SH3PXD2A: variants seen among roughly 807,000 people sequenced by gnomAD.
SH3PXD2A encodes the protein SH3 and PX domain-containing protein 2A.
A neutral mutation model predicts 115.2 loss-of-function variants in SH3PXD2A; 32 were observed. The observed-to-expected ratio is 0.28, with a 90% CI of 0.21 to 0.37. SH3PXD2A has a LOEUF of 0.37. SH3PXD2A is among the 10% of genes least tolerant of loss of function. SH3PXD2A has a pLI of 1.00. For synonymous variants in SH3PXD2A, 610 were observed against 629.1 expected (o/e 0.97, Z 0.45); for missense variants, 1,328 against 1,498.7 (o/e 0.89, Z 1.88).
At chr10:103,610,935 GCTTA>G (rs2036417689) in intron 13 of SH3PXD2A, among the ~76,000 whole-genome samples, 1 of 152,178 alleles carries the variant, frequency 6.6e-6, no homozygotes. Context: ...ATCCCACTGC[GCTTA>G]CTAACAGTTC....
intron 1 of SH3PXD2A, among the ~76,000 whole-genome samples, chr10:103,850,323 A>T (rs1842885448): frequency 6.6e-6 from 1 of 152,158 alleles, no homozygotes; most frequent in Non-Finnish European, 1.5e-5. Flanking sequence ...GGGTTGCGAT[A>T]AATGGCTGGC....
intron 5 of SH3PXD2A, chr10:103,693,735 T>A (rs2037790066): frequency 6.6e-6 from 1 of 151,658 alleles, no homozygotes; most frequent in Non-Finnish European, 1.5e-5. Flanking sequence ...ATGGATAAGG[T>A]CCTTCTCAAA....
At chr10:103,739,866 G>A (rs7076177) in intron 3 of SH3PXD2A, among the ~76,000 whole-genome samples, 2,219 of 152,318 alleles carry the variant, frequency 0.015, 56 homozygotes, top group African/African-American at 0.051. Context: ...GGGCTGGGCT[G>A]GGGTGAGACC....
intron 7 of SH3PXD2A, among the ~76,000 whole-genome samples, chr10:103,664,173 T>C (rs1564857862): frequency 6.6e-6 from 1 of 152,148 alleles, no homozygotes; most frequent in Non-Finnish European, 1.5e-5. Context: ...AAAAGGGCCA[T>C]CCCTGCCCTA....
At chr10:103,658,847 C>G (rs1472669798) in intron 8 of SH3PXD2A, among the ~76,000 whole-genome samples, 1 of 152,218 alleles carries the variant, frequency 6.6e-6, no homozygotes, top group Admixed American at 6.5e-5. Context: ...GCCCCTGCTT[C>G]CAACCAGCCA....
At chr10:103,741,444 C>T (rs1245692782) in intron 3 of SH3PXD2A, among the ~76,000 whole-genome samples, 1 of 152,136 alleles carries the variant, frequency 6.6e-6, no homozygotes, top group Non-Finnish European at 1.5e-5. Flanking sequence ...CCACTCTGGC[C>T]CTCTCTCCCC....
chr10:103,848,045 C>T (rs1038763404), intron 1 of SH3PXD2A, among the ~76,000 whole-genome samples: 1 of 152,160 alleles, frequency 6.6e-6, no homozygotes, highest in Admixed American at 6.5e-5. Context: ...TCCCCTCAGA[C>T]TGTGAGGTAT....
chr10:103,624,327 G>C (rs2036657451), intron 9 of SH3PXD2A, among the ~76,000 whole-genome samples: 2 of 152,230 alleles, frequency 1.3e-5, no homozygotes, highest in South Asian at 4.1e-4. Flanking sequence ...CCACTCTGGA[G>C]GAAGCAGGTC....
chr10:103,778,831 A>G (rs918152705), intron 2 of SH3PXD2A, among the ~76,000 whole-genome samples: 1 of 151,888 alleles, frequency 6.6e-6, no homozygotes, highest in African/African-American at 2.4e-5. Context: ...ATAATTTCAC[A>G]CCCTTTCTCA....
intron 8 of SH3PXD2A, among the ~76,000 whole-genome samples, chr10:103,653,644 G>A (rs2037164260): frequency 6.6e-6 from 1 of 152,176 alleles, no homozygotes; most frequent in South Asian, 2.1e-4. Context: ...ATGGTGGAGG[G>A]AGCACCCCCA....
At chr10:103,648,394 C>T (rs1387591016) in intron 8 of SH3PXD2A, among the ~76,000 whole-genome samples, 1 of 152,168 alleles carries the variant, frequency 6.6e-6, no homozygotes, top group Admixed American at 6.5e-5. Context: ...CATTCTTCCC[C>T]ATCAAAGCCA....
At chr10:103,815,081 A>T (rs948105864) in intron 1 of SH3PXD2A, among the ~76,000 whole-genome samples, 2 of 152,212 alleles carry the variant, frequency 1.3e-5, no homozygotes, top group Non-Finnish European at 2.9e-5. Flanking sequence ...AGAGACCTAA[A>T]TGCGAGAGAG....
chr10:103,711,066 A>C (rs2038041223), intron 5 of SH3PXD2A, among the ~76,000 whole-genome samples: 1 of 152,098 alleles, frequency 6.6e-6, no homozygotes, highest in African/African-American at 2.4e-5. Context: ...CGGTTGCCCC[A>C]CCTGGCACAT....
rs761689383 is a variant in SH3PXD2A, at chr10:103,603,073, A to C, written c.2145T>G (p.Ser715Arg). Residue 715 changes from serine to arginine, a missense_variant, in exon 15 of 15, where the codon AGT (serine) becomes AGG (arginine). By Grantham distance (110) the Ser-to-Arg change is moderately radical. Around this residue, in one of 5 missense-constraint regions of SH3PXD2A, gnomAD observed 574 missense variants for 565.7 expected, o/e 1.01. Coordinates refer to ENST00000369774, the MANE Select transcript of SH3PXD2A (RefSeq NM_001394015.1). ...SSSSSSLSKTSGDLKPRSASD... is the reference protein window; with the variant it reads ...SSSSSSLSKTRGDLKPRSASD... ...AAGCAGAGCGGGGCTTCAGGTCGCC[A>C]CTGGTTTTGGACAAGGAAGAGGAGG... The C allele has an allele frequency of 1.9e-6, 3 of 1,613,496 alleles. No homozygotes were observed. Among genetic ancestry groups the C allele is most frequent in the African/African-American group, 1.3e-5 (1 of 74,932 alleles).
intron 1 of SH3PXD2A, among the ~76,000 whole-genome samples, chr10:103,806,123 A>G (rs1270709197): frequency 6.6e-6 from 1 of 152,182 alleles, no homozygotes; most frequent in Non-Finnish European, 1.5e-5. Context: ...GCAGCCATGA[A>G]TGTGACTCAG....
At chr10:103,690,682 A>G (rs116500627) in intron 6 of SH3PXD2A, among the ~76,000 whole-genome samples, 1 of 152,380 alleles carries the variant, frequency 6.6e-6, no homozygotes, top group African/African-American at 2.4e-5. Context: ...TTGCAGAAAC[A>G]TCTAGAATAA....
chr10:103,616,142 C>T (rs1242059005), intron 11 of SH3PXD2A, among the ~76,000 whole-genome samples: 2 of 152,146 alleles, frequency 1.3e-5, no homozygotes, highest in Non-Finnish European at 2.9e-5. Context: ...CATGGACTAG[C>T]CTTTAATGCC....
chr10:103,668,777 G>A, intron 6 of SH3PXD2A, 125 bp from the exon 7 acceptor site: 1 of 827,602 alleles, frequency 1.2e-6, no homozygotes, highest in Admixed American at 2.0e-5. Context: ...CGGGCGGAAG[G>A]CGGAGGAGGG....
At chr10:103,824,977 A>G (rs1475469361) in intron 1 of SH3PXD2A, among the ~76,000 whole-genome samples, 1 of 152,090 alleles carries the variant, frequency 6.6e-6, no homozygotes, top group African/African-American at 2.4e-5. Flanking sequence ...TAATTTTTGT[A>G]TTTTTGTAGA....
Sources: gnomAD v4.1 joint callset for allele counts (sites outside exome capture counted in the v4.1 genomes callset) on GRCh38, gnomAD v4.1.1 for gene constraint, gnomAD v4.1.1 regional missense constraint, MANE v1.5 for transcripts, NCBI Gene and HGNC (gene_info 2026-07-23, HGNC 2026-07-21) for gene names.